KMT2A: variants seen among roughly 807,000 people sequenced by gnomAD.
The protein encoded by KMT2A is histone-lysine N-methyltransferase 2A.
In KMT2A, 16 loss-of-function variants were observed where a neutral mutation model predicts 345.3. The observed-to-expected ratio is 0.05, with a 90% CI of 0.03 to 0.07. The LOEUF is 0.07. KMT2A is among the 10% of genes least tolerant of loss of function. The pLI is 1.00. For synonymous variants in KMT2A, 1,599 were observed against 1,778.6 expected (o/e 0.90, Z 2.54); for missense variants, 3,272 against 4,841.6 (o/e 0.68, Z 9.62).
At position 118,523,846 on chromosome 11, in the gene KMT2A, T is replaced by C. The variant is rs1472651332; in HGVS notation, c.*1674T>C. 9.8e-6 allele frequency: 2 copies of C among 204,388 alleles called. No individual in the cohort carries two copies. The highest frequency in any genetic ancestry group is 4.6e-5 in the African/African-American group (2 of 43,734). 12.7% of individuals were successfully genotyped at this position (204,388 alleles called of 1,614,324 possible). ...CATAAATGTTTCCTGGGTTTGCTCT[T>C]TGACAATAAATGGAGAAGGAAGGTC... On this transcript the variant is annotated 3_prime_UTR_variant, in exon 36 of 36. Transcript: ENST00000534358.
chr11:118,471,070 G>A (rs535327), intron 2 of KMT2A, among the ~76,000 whole-genome samples: 126,552 of 152,164 alleles, frequency 0.83, 53,406 homozygotes, highest in Admixed American at 0.9. Context: ...GAGTTCAGTG[G>A]TCTTATTCTG....
chr11:118,437,484 TC>T (rs1248075098), intron 1 of KMT2A, among the ~76,000 whole-genome samples: 6 of 150,686 alleles, frequency 4.0e-5, no homozygotes, highest in African/African-American at 1.5e-4. Context: ...CCTCGCGCCA[TC>T]CCCGGGCCAG....
In KMT2A at chr11:118,519,722, C is replaced by T. The variant is rs782188552; in HGVS notation, c.11251C>T (p.His3751Tyr). 2 of 1,614,066 alleles carry T rather than the reference C, an allele frequency of 1.2e-6. No individual in the cohort carries two copies. Among genetic ancestry groups the T allele is most frequent in the Non-Finnish European group, 1.7e-6 (2 of 1,180,038 alleles). Residue 3751 changes from histidine (H) to tyrosine (Y), a missense_variant, in exon 32 of 36, where the codon CAC becomes TAC. His to Tyr is a moderately conservative substitution (Grantham distance 83). Coordinates refer to ENST00000534358, the MANE Select transcript of KMT2A (RefSeq NM_001197104.2). ...KHCRNYKFRF[H>Y]KPEEANEPPL... ...CTGTCGAAATTACAAATTCCGTTTC[C>T]ACAAGCCAGAGGAGGCCAATGAACC...
At chr11:118,449,774 C>G (rs1555028270) in intron 1 of KMT2A, 1 of 152,102 alleles carries the variant, frequency 6.6e-6, no homozygotes, top group East Asian at 1.9e-4. Context: ...CAGTCTTACT[C>G]CCATTACTAT....
chr11:118,515,682 C>CTTTTTTTTTTTTTTTT, intron 31 of KMT2A, among the ~76,000 whole-genome samples: 1 of 97,478 alleles, frequency 1.0e-5, no homozygotes, highest in Non-Finnish European at 1.9e-5. Flanking sequence ...TTTTTCTGTC[C>CTTTTTTTTTTTTTTTT]TTTTTTTTTT....
At chr11:118,444,812 T>TGGTC (rs1424545227) in intron 1 of KMT2A, among the ~76,000 whole-genome samples, 3 of 152,142 alleles carry the variant, frequency 2.0e-5, no homozygotes, top group African/African-American at 7.2e-5. Flanking sequence ...TGGCCTCAAG[T>TGGTC]GGTCCCCCTA....
rs562088498 is a variant in KMT2A, at chr11:118,514,703, G to A, written c.11146+2678G>A. Among the ~76,000 whole-genome samples the A allele has an allele frequency of 5.3e-5, 8 of 151,994 alleles. No individual in the cohort carries two copies. In the East Asian group the frequency reaches 7.7e-4, roughly 15 times the overall value. ...GGCTGGAGTGCAATGGCGCAATCTCGGTTCACCGCAACCTCCACCTCCCGA... is the reference window on the plus strand; with the variant it reads ...GGCTGGAGTGCAATGGCGCAATCTCAGTTCACCGCAACCTCCACCTCCCGA... On this transcript the variant is annotated intron_variant, in intron 31 of 35. Coordinates refer to ENST00000534358, the MANE Select transcript of KMT2A (RefSeq NM_001197104.2).
rs199656572 is a variant in KMT2A, at chr11:118,506,483, C to G, written c.10591C>G (p.Pro3531Ala). The G allele has an allele frequency of 1.3e-4, 205 of 1,614,074 alleles. No homozygotes were observed. The highest frequency in any genetic ancestry group is 1.6e-4 in the Middle Eastern group (1 of 6,084). The change falls in exon 27 of 36, where the codon CCT (proline) becomes GCT (alanine). Residue 3531 changes from proline (P) to alanine (A), a missense_variant. Transcript: ENST00000534358. ...ATCTTCTGGACAGCGGTCAGCAAGC[C>G]CTTCAGTGCCGGGTCCCACTAAACC... is the stretch of plus-strand genomic sequence containing the variant. Reference protein sequence around the residue: ...SPSSGQRSASPSVPGPTKPKP... With the variant: ...SPSSGQRSASASVPGPTKPKP...
chr11:118,499,739 C>A, intron 23 of KMT2A, 96 bp from the exon 24 acceptor site: 1 of 911,066 alleles, frequency 1.1e-6, no homozygotes, highest in South Asian at 1.4e-5. Flanking sequence ...GAGATTGCGC[C>A]ACTGCATTCC....
At chr11:118,452,432 T>G (rs1309800123) in intron 1 of KMT2A, among the ~76,000 whole-genome samples, 1 of 152,098 alleles carries the variant, frequency 6.6e-6, no homozygotes, top group Non-Finnish European at 1.5e-5. Context: ...CTCAGGAGAC[T>G]GAGATGGGAG....
chr11:118,478,112 C>T lies in KMT2A; in HGVS notation c.3480C>T (p.Gly1160=). Residue 1160 remains glycine (G), a synonymous_variant, in exon 5 of 36, where the codon GGC becomes GGT. Coordinates refer to ENST00000534358, the MANE Select transcript of KMT2A (RefSeq NM_001197104.2). ...RRSRRCGQCP[G]CQVPEDCGVC... is the part of the protein sequence containing the mutation. The stretch of plus-strand genomic sequence containing the variant: ...CGAGGCGGTGTGGGCAGTGTCCCGG[C>T]TGCCAGGTGCCTGAGGACTGTGGTG... 3 of 1,614,148 alleles carry T rather than the reference C, an allele frequency of 1.9e-6. No individual in the cohort carries two copies. Among genetic ancestry groups the T allele is most frequent in the Non-Finnish European group, 2.5e-6 (3 of 1,180,042 alleles).
chr11:118,496,556 A>G lies in KMT2A; in HGVS notation c.5664+189A>G, dbSNP rs774211376. 5.9e-5 allele frequency among the ~76,000 whole-genome samples: 9 copies of G among 152,190 alleles called. No individual in the cohort carries two copies. The highest frequency in any genetic ancestry group is 1.2e-4 in the Non-Finnish European group (8 of 68,038). ...TAACTTATTTTTTGTCACTTAGTTC[A>G]TGGCACTTGGAGTTTTTTAATGACT... On this transcript the variant is annotated intron_variant, in intron 20 of 35. Transcript: ENST00000534358. The surrounding 1 kb of genome is among the most constrained non-coding windows in gnomAD (Gnocchi z 4.7).
chr11:118,484,852 C>G lies in KMT2A; in HGVS notation c.4219-10C>G, dbSNP rs368903972. On this transcript the variant is annotated splice_polypyrimidine_tract_variant and intron_variant, in intron 9 of 35. Coordinates refer to ENST00000534358, the MANE Select transcript of KMT2A (RefSeq NM_001197104.2). This position sits in a 1 kb window ranked among gnomAD's most constrained non-coding sequence, Gnocchi z 4.1. ...TAAAACTTTCCTAAGTGACCTTTCT[C>G]TCTCCACAGGAGGATTGTGAAGCAG... is the stretch of plus-strand genomic sequence containing the variant. 1.9e-5 allele frequency: 30 copies of G among 1,590,358 alleles called. No individual in the cohort carries two copies. The highest frequency in any genetic ancestry group is 2.3e-5 in the Non-Finnish European group (27 of 1,158,644).
chr11:118,447,229 G>T (rs1202135978), intron 1 of KMT2A, among the ~76,000 whole-genome samples: 1 of 152,116 alleles, frequency 6.6e-6, no homozygotes, highest in African/African-American at 2.4e-5. Context: ...AAATGTGTCT[G>T]TCTTTGTCCC....
At chr11:118,519,541 C>T (rs1555052749) in intron 31 of KMT2A, 77 bp from the exon 32 acceptor site, 1 of 1,334,692 alleles carries the variant, frequency 7.5e-7, no homozygotes, top group Non-Finnish European at 1.1e-6. Flanking sequence ...GTGACTATAG[C>T]ATAGGCATTT....
Position 118,520,779 on chromosome 11 carries a change from T to C in KMT2A, c.11430-23T>C. 1 of 1,588,824 alleles carries C rather than the reference T, an allele frequency of 6.3e-7. No individual in the cohort carries two copies. The highest frequency in any genetic ancestry group is 8.6e-7 in the Non-Finnish European group (1 of 1,157,398). ...ACATTATTTCCTGAAAAAAATTCGT[T>C]AATAGTATGTCTTATCTCTTAGGAG... On this transcript the variant is annotated intron_variant, in intron 33 of 35. Coordinates refer to ENST00000534358, the MANE Select transcript of KMT2A (RefSeq NM_001197104.2). The surrounding 1 kb of genome is among the most constrained non-coding windows in gnomAD (Gnocchi z 4.3).
intron 3 of KMT2A, among the ~76,000 whole-genome samples, chr11:118,475,131 C>A (rs1410008771): frequency 7.9e-5 from 12 of 151,834 alleles, no homozygotes; most frequent in African/African-American, 2.9e-4. Flanking sequence ...AAGTCTCTAT[C>A]TCAAAATAAA....
At chr11:118,509,335 C>G in intron 29 of KMT2A, 135 bp downstream of exon 29, 1 of 679,156 alleles carries the variant, frequency 1.5e-6, no homozygotes, top group Non-Finnish European at 2.4e-6. Context: ...GTGATTTGGC[C>G]CACATTGGAC....
Position 118,504,921 on chromosome 11 carries a change from C to T in KMT2A, c.9029C>T (p.Pro3010Leu). 1 of 1,614,194 alleles carries T rather than the reference C, an allele frequency of 6.2e-7. No individual in the cohort carries two copies. Among genetic ancestry groups the T allele is most frequent in the Non-Finnish European group, 8.5e-7 (1 of 1,180,042 alleles). The change falls in exon 27 of 36, where the codon CCT (proline) becomes CTT (leucine). Residue 3010 changes from proline (P) to leucine (L), a missense_variant. Pro to Leu is a moderately conservative substitution (Grantham distance 98, BLOSUM62 -3). Coordinates refer to ENST00000534358, the MANE Select transcript of KMT2A (RefSeq NM_001197104.2). The surrounding 1 kb of genome is among the most constrained non-coding windows in gnomAD (Gnocchi z 6.4). ...ATGGATGCAGACCACATCTCTAGCC[C>T]TCCTTGTGGTTCAGTAGAGCAAGGT... ...GHMDADHISSPPCGSVEQGHG... is the reference protein window; with the variant it reads ...GHMDADHISSLPCGSVEQGHG...
Sources: gnomAD v4.1 joint callset for allele counts (sites outside exome capture counted in the v4.1 genomes callset) on GRCh38, gnomAD v4.1.1 for gene constraint, Gnocchi (gnomAD v3.1) non-coding constraint, MANE v1.5 for transcripts, NCBI Gene and HGNC (gene_info 2026-07-23, HGNC 2026-07-21) for gene names.